AUTS2: variants seen among roughly 807,000 people sequenced by gnomAD.
AUTS2 encodes the protein activator of transcription and developmental regulator AUTS2.
In AUTS2, 17 loss-of-function variants were observed where a neutral mutation model predicts 112.4. That is an observed-to-expected ratio of 0.15 (90% CI 0.10 to 0.23). The LOEUF (loss-of-function observed/expected upper bound fraction) is 0.23. AUTS2 is among the 10% of genes least tolerant of loss of function. The pLI, the probability that AUTS2 is intolerant of heterozygous loss-of-function variation, is 1.00. For synonymous variants in AUTS2, 751 were observed against 702.7 expected (o/e 1.07, Z -1.09); for missense variants, 1,510 against 1,701.6 (o/e 0.89, Z 1.98).
chr7:70,641,468 C>T (rs533932231), intron 5 of AUTS2, among the ~76,000 whole-genome samples: 5 of 152,236 alleles, frequency 3.3e-5, no homozygotes, highest in South Asian at 2.1e-4. Flanking sequence ...AGGAGAATGG[C>T]GTGAACCCGG....
chr7:70,641,366 G>A (rs995931984), intron 5 of AUTS2, among the ~76,000 whole-genome samples: 5 of 152,042 alleles, frequency 3.3e-5, no homozygotes, highest in African/African-American at 7.2e-5. Flanking sequence ...TGGCTAACAC[G>A]GTGAAACCCC....
intron 1 of AUTS2, among the ~76,000 whole-genome samples, chr7:69,698,356 A>G (rs903394444): frequency 1.3e-5 from 2 of 152,002 alleles, no homozygotes; most frequent in Non-Finnish European, 2.9e-5. Flanking sequence ...CTCTAACCTT[A>G]TTTGCTACTT....
rs976415520 is a variant in AUTS2 at position 69,926,726 on chromosome 7, CT to C, written c.522+27236del. ...CCATATTAGCTACAATTATTTTCCT[CT>C]TTTTTTTGTGGTTGCATTAGGGAAA... On this transcript the variant is annotated intron_variant, in intron 2 of 18. Transcript: ENST00000342771. 2.9e-3 allele frequency among the ~76,000 whole-genome samples: 428 copies of C among 147,658 alleles called. 4 individuals carry two copies. Among genetic ancestry groups the C allele is most frequent in the African/African-American group, 0.01 (413 of 40,326 alleles).
In AUTS2 at chr7:70,737,772, A is replaced by G. The variant is rs561118071; in HGVS notation, c.743-25098A>G. Among the ~76,000 whole-genome samples the G allele has an allele frequency of 2.0e-5, 3 of 152,312 alleles. No individual in the cohort carries two copies. The East Asian group carries it at 5.8e-4, about 29-fold the overall frequency. On this transcript the variant is annotated intron_variant, in intron 6 of 18. Coordinates refer to ENST00000342771, the MANE Select transcript of AUTS2 (RefSeq NM_015570.4). The stretch of plus-strand genomic sequence containing the variant: ...GAGAGGAGGAGGAGCCAGGGGGGTG[A>G]AGAGAAGTCCTGACCTATTTTAGAG...
Position 70,779,167 on chromosome 7 carries a change from A to AATT in AUTS2, c.2004+1994_2004+1996dup, listed in dbSNP as rs141944142. On this transcript the variant is annotated intron_variant, in intron 14 of 18. Coordinates refer to ENST00000342771, the MANE Select transcript of AUTS2 (RefSeq NM_015570.4). ...CCAAATTAAAGGAGGTATTCAAAAG[A>AATT]ATTTTATAGATTCATAGTGAATTAG... Among the ~76,000 whole-genome samples, 173 of 152,284 alleles carry AATT rather than the reference A, an allele frequency of 1.1e-3. 2 individuals carry two copies. In the East Asian group the frequency reaches 0.023, roughly 21 times the overall value.
At chr7:70,689,800 A>G (rs1235500336) in intron 5 of AUTS2, among the ~76,000 whole-genome samples, 1 of 137,678 alleles carries the variant, frequency 7.3e-6, no homozygotes, top group African/African-American at 2.7e-5. Context: ...AAAAAAAAAG[A>G]TGTCGTTCCC....
At chr7:70,753,473 C>T (rs1479158706) in intron 6 of AUTS2, among the ~76,000 whole-genome samples, 2 of 152,142 alleles carry the variant, frequency 1.3e-5, no homozygotes, top group African/African-American at 2.4e-5. Flanking sequence ...ATTAATTTGC[C>T]TTGAACAAAC....
rs768420169 is a variant in AUTS2, at chr7:70,790,346, C to T, written c.3130C>T (p.Arg1044Cys). 7.4e-6 allele frequency: 12 copies of T among 1,613,738 alleles called. No homozygotes were observed. Among genetic ancestry groups the T allele is most frequent in the South Asian group, 1.1e-5 (1 of 91,076 alleles). The part of the protein sequence containing the change: ...MNSISSLDRT[R>C]MMTPFMGISP... ...CAGCATCAGCAGCCTGGACAGGACTCGCATGATGACCCCCTTCATGGGCAT... is the reference window on the plus strand; with the variant it reads ...CAGCATCAGCAGCCTGGACAGGACTTGCATGATGACCCCCTTCATGGGCAT... The change falls in exon 19 of 19, where the codon CGC (arginine) becomes TGC (cysteine). Residue 1044 changes from arginine (R) to cysteine (C), a missense_variant. This residue lies in a region of AUTS2 where 788 missense variants were observed against 797.6 expected (regional missense o/e 0.99). Coordinates refer to ENST00000342771, the MANE Select transcript of AUTS2 (RefSeq NM_015570.4). The surrounding 1 kb of genome is among the most constrained non-coding windows in gnomAD (Gnocchi z 7.6).
At chr7:69,763,986 C>CCTTTG (rs1788304832) in intron 1 of AUTS2, among the ~76,000 whole-genome samples, 1 of 152,178 alleles carries the variant, frequency 6.6e-6, no homozygotes, top group Non-Finnish European at 1.5e-5. Flanking sequence ...GAATTCAAAG[C>CCTTTG]AGGGTGTATT....
At chr7:70,004,294 ATAT>A (rs1799418404) in intron 2 of AUTS2, among the ~76,000 whole-genome samples, 1 of 135,526 alleles carries the variant, frequency 7.4e-6, no homozygotes, top group African/African-American at 2.7e-5. Flanking sequence ...ATATATGAAT[ATAT>A]TATATGTGAC....
chr7:70,446,118 A>C (rs1796307894), intron 5 of AUTS2, among the ~76,000 whole-genome samples: 1 of 152,162 alleles, frequency 6.6e-6, no homozygotes, highest in Non-Finnish European at 1.5e-5. Flanking sequence ...CCCCCTCAAG[A>C]ACCCTCTTGT....
intron 1 of AUTS2, among the ~76,000 whole-genome samples, chr7:69,787,212 G>C (rs530243399): frequency 1.3e-5 from 2 of 152,306 alleles, no homozygotes; most frequent in South Asian, 4.1e-4. Context: ...CATGCACTCT[G>C]ATGACCAGAC....
At chr7:70,249,862 A>G (rs1786494155) in intron 4 of AUTS2, among the ~76,000 whole-genome samples, 2 of 150,922 alleles carry the variant, frequency 1.3e-5, no homozygotes, top group South Asian at 4.2e-4. Context: ...TAAAATATTA[A>G]TATTTTAAGT....
chr7:70,427,583 C>G (rs1428497842), intron 4 of AUTS2, among the ~76,000 whole-genome samples: 1 of 151,482 alleles, frequency 6.6e-6, no homozygotes, highest in East Asian at 1.9e-4. Context: ...TTCAAAGTGA[C>G]AAAAAGGAAA....
chr7:70,692,778 T>C (rs1395649298), intron 5 of AUTS2, among the ~76,000 whole-genome samples: 1 of 115,736 alleles, frequency 8.6e-6, no homozygotes, highest in Admixed American at 9.2e-5. Context: ...TTTTTTTTTT[T>C]TAACTTGAGA....
chr7:70,511,856 C>T (rs1481762790), intron 5 of AUTS2, among the ~76,000 whole-genome samples: 2 of 152,122 alleles, frequency 1.3e-5, no homozygotes, highest in Non-Finnish European at 2.9e-5. Flanking sequence ...GGATTACAGG[C>T]ATGAACCATC....
chr7:70,274,530 A>G (rs987171466), intron 4 of AUTS2, among the ~76,000 whole-genome samples: 1 of 152,064 alleles, frequency 6.6e-6, no homozygotes, highest in Non-Finnish European at 1.5e-5. Flanking sequence ...AGCTCAAGCA[A>G]TCTGCCTGCC....
chr7:70,432,991 C>T (rs991306866), intron 4 of AUTS2, among the ~76,000 whole-genome samples: 4 of 152,166 alleles, frequency 2.6e-5, no homozygotes, highest in Non-Finnish European at 5.9e-5. Context: ...GGAGCCTGAG[C>T]ATTTTTAATC....
chr7:69,682,677 A>T (rs1210581694), intron 1 of AUTS2, among the ~76,000 whole-genome samples: 1 of 152,238 alleles, frequency 6.6e-6, no homozygotes, highest in Non-Finnish European at 1.5e-5. Flanking sequence ...GGTCGGTAGC[A>T]GCAGTTGTGC....
Sources: gnomAD v4.1 joint callset for allele counts (sites outside exome capture counted in the v4.1 genomes callset) on GRCh38, gnomAD v4.1.1 for gene constraint, gnomAD v4.1.1 regional missense constraint, Gnocchi (gnomAD v3.1) non-coding constraint, MANE v1.5 for transcripts, NCBI Gene and HGNC (gene_info 2026-07-23, HGNC 2026-07-21) for gene names.